The following ASIC2 variants were observed in gnomAD, a reference collection of about 807,000 sequenced individuals.
The protein encoded by ASIC2 is acid sensing ion channel subunit 2, also known as acid-sensing ion channel 2.
In ASIC2, 25 loss-of-function variants were observed where a neutral mutation model predicts 57.3. The observed-to-expected ratio is 0.44, with a 90% confidence interval of 0.32 to 0.61. The LOEUF (loss-of-function observed/expected upper bound fraction) is 0.61, where lower values mean the gene tolerates loss of function less well. ASIC2 is among the 20% of genes least tolerant of loss of function. The pLI, the probability that ASIC2 is intolerant of heterozygous loss-of-function variation, is 0.06. For synonymous variants in ASIC2, 319 were observed against 307.5 expected (o/e 1.04, Z -0.39); for missense variants, 641 against 738.1 (o/e 0.87, Z 1.52).
chr17:33,046,619 A>G (rs1406955081), intron 3 of ASIC2, among the ~76,000 whole-genome samples: 2 of 151,998 alleles, frequency 1.3e-5, no homozygotes, highest in African/African-American at 2.4e-5. Context: ...CCCCACCACA[A>G]CCTTAGCCCT....
intron 1 of ASIC2, among the ~76,000 whole-genome samples, chr17:33,471,208 C>G (rs2141919589): frequency 6.6e-6 from 1 of 152,214 alleles, no homozygotes; most frequent in Middle Eastern, 3.4e-3. Flanking sequence ...CTCACAGGAG[C>G]AATTTGTGAT....
rs1008585420 is a variant in ASIC2, at chr17:33,822,370, G to A, written c.555+333608C>T. Reference sequence around the variant, plus strand: ...CCTCTGTGTATGTATTTTCCGTGAGGACCTTGTGGGAAGGTGTGGCTGGTG... The same window carrying A: ...CCTCTGTGTATGTATTTTCCGTGAGAACCTTGTGGGAAGGTGTGGCTGGTG... On this transcript the variant is annotated intron_variant, in intron 1 of 9. Transcript: ENST00000359872. Among the ~76,000 whole-genome samples, 3 of 152,284 alleles carry A rather than the reference G, an allele frequency of 2.0e-5. No homozygotes were observed. The South Asian group carries it at 6.2e-4, about 32-fold the overall frequency.
intron 1 of ASIC2, among the ~76,000 whole-genome samples, chr17:33,609,069 A>T (rs902585470): frequency 3.9e-5 from 6 of 152,164 alleles, no homozygotes; most frequent in Non-Finnish European, 8.8e-5. Flanking sequence ...TGCCACAAAG[A>T]CATGTCTTCA....
chr17:34,131,137 A>G (rs1911943569), intron 1 of ASIC2, among the ~76,000 whole-genome samples: 2 of 152,094 alleles, frequency 1.3e-5, no homozygotes, highest in African/African-American at 2.4e-5. Context: ...AGTGAATTGT[A>G]TATTACGGCA....
chr17:33,416,756 T>C (rs1483350181), intron 1 of ASIC2, among the ~76,000 whole-genome samples: 1 of 152,222 alleles, frequency 6.6e-6, no homozygotes, highest in African/African-American at 2.4e-5. Context: ...TGGTTCAGGC[T>C]TCAAGATTGA....
intron 1 of ASIC2, among the ~76,000 whole-genome samples, chr17:33,594,010 C>G (rs1028252664): frequency 6.6e-6 from 1 of 152,254 alleles, no homozygotes; most frequent in Non-Finnish European, 1.5e-5. Flanking sequence ...CCTATTCCAG[C>G]CAAGTCCCAA....
At chr17:33,377,180 A>G (rs536009272) in intron 1 of ASIC2, among the ~76,000 whole-genome samples, 14 of 152,218 alleles carry the variant, frequency 9.2e-5, no homozygotes, top group Admixed American at 6.5e-4. Flanking sequence ...ACTCCTGAGT[A>G]GCTGGGACTA....
chr17:33,155,362 G>A (rs781458461), intron 1 of ASIC2, among the ~76,000 whole-genome samples: 6 of 152,184 alleles, frequency 3.9e-5, no homozygotes, highest in Non-Finnish European at 8.8e-5. Flanking sequence ...GCATCCATCT[G>A]GAAACTGAGC....
intron 1 of ASIC2, among the ~76,000 whole-genome samples, chr17:33,820,454 G>A (rs1354651284): frequency 6.6e-6 from 1 of 152,130 alleles, no homozygotes; most frequent in Non-Finnish European, 1.5e-5. Context: ...GATATATTGG[G>A]TTAAATAAAA....
intron 1 of ASIC2, among the ~76,000 whole-genome samples, chr17:33,826,333 G>A (rs1207065044): frequency 1.3e-5 from 2 of 152,194 alleles, no homozygotes; most frequent in Non-Finnish European, 2.9e-5. Context: ...ATGATGGAGG[G>A]CGCAGAGACA....
At chr17:33,854,207 T>G (rs1011975323) in intron 1 of ASIC2, among the ~76,000 whole-genome samples, 1 of 152,088 alleles carries the variant, frequency 6.6e-6, no homozygotes, top group Non-Finnish European at 1.5e-5. Flanking sequence ...ATTTTGGAGG[T>G]AGAAGAGTGA....
At chr17:33,349,888 A>T (rs1190646747) in intron 1 of ASIC2, among the ~76,000 whole-genome samples, 6 of 151,894 alleles carry the variant, frequency 4.0e-5, no homozygotes, top group African/African-American at 1.4e-4. Context: ...GATAAGTGGT[A>T]GTCGGCACTC....
At chr17:33,993,899 C>A (rs1208761449) in intron 1 of ASIC2, among the ~76,000 whole-genome samples, 1 of 152,166 alleles carries the variant, frequency 6.6e-6, no homozygotes, top group Non-Finnish European at 1.5e-5. Context: ...GTCTCTGCCT[C>A]TTGCTTGGCA....
At chr17:33,562,571 C>T (rs770898418) in intron 1 of ASIC2, among the ~76,000 whole-genome samples, 2 of 152,118 alleles carry the variant, frequency 1.3e-5, no homozygotes, top group Admixed American at 6.5e-5. Flanking sequence ...GGAGAGAGCA[C>T]GTCACACTCT....
chr17:33,647,390 G>C (rs570022586), intron 1 of ASIC2, among the ~76,000 whole-genome samples: 34 of 152,282 alleles, frequency 2.2e-4, no homozygotes, highest in Admixed American at 1.8e-3. Flanking sequence ...GTTGTTGAAA[G>C]GGATCCTGGA....
intron 1 of ASIC2, among the ~76,000 whole-genome samples, chr17:33,866,019 G>A (rs1335134738): frequency 2.0e-5 from 3 of 151,962 alleles, no homozygotes; most frequent in Non-Finnish European, 4.4e-5. Context: ...ACTGTATTTT[G>A]TTTTGTCTGA....
chr17:33,365,592 G>A (rs985058797), intron 1 of ASIC2, among the ~76,000 whole-genome samples: 2 of 152,068 alleles, frequency 1.3e-5, no homozygotes, highest in African/African-American at 4.8e-5. Context: ...TTTACCACAA[G>A]AGGTCATCCA....
chr17:33,664,251 G>C (rs1272399001), intron 1 of ASIC2, among the ~76,000 whole-genome samples: 2 of 152,178 alleles, frequency 1.3e-5, no homozygotes, highest in East Asian at 1.9e-4. Context: ...AGTATGTTTT[G>C]TCTTTGGATC....
chr17:33,019,557 C>T (rs767694635), intron 7 of ASIC2, among the ~76,000 whole-genome samples: 5 of 151,796 alleles, frequency 3.3e-5, no homozygotes, highest in Non-Finnish European at 5.9e-5. Context: ...GTAGCGTGCA[C>T]GTGCATGGAC....
Sources: allele counts gnomAD v4.1 joint callset (sites outside exome capture counted in the v4.1 genomes callset), GRCh38; gene constraint gnomAD v4.1.1; transcripts MANE v1.5; gene names NCBI Gene and HGNC (gene_info 2026-07-23, HGNC 2026-07-21).